Variants in AK9 observed in about 807,000 individuals in gnomAD.
The protein encoded by AK9 is adenylate kinase domain containing 1.
A neutral mutation model predicts 239.6 loss-of-function variants in AK9; 191 were observed. The observed-to-expected ratio is 0.80, with a 90% CI of 0.71 to 0.90. The LOEUF (loss-of-function observed/expected upper bound fraction) is 0.90, where lower values mean the gene tolerates loss of function less well. AK9 is among the 40% of genes least tolerant of loss of function. The pLI is 0.00. For missense variants in AK9, 1,995 were observed against 2,214.7 expected (o/e 0.90, Z 1.99); for synonymous variants, 689 against 721.0 (o/e 0.96, Z 0.71).
chr6:109,521,004 A>G (rs1427174649), intron 29 of AK9, among the ~76,000 whole-genome samples: 5 of 152,090 alleles, frequency 3.3e-5, no homozygotes, highest in Admixed American at 6.5e-5. Context: ...ACCTTTTGGC[A>G]GAGTCTTTAG....
intron 29 of AK9, among the ~76,000 whole-genome samples, chr6:109,521,023 A>G (rs947000158): frequency 6.6e-6 from 1 of 152,112 alleles, no homozygotes; most frequent in Admixed American, 6.6e-5. Context: ...AGGGTTTTAC[A>G]GGTATAGAAT....
At chr6:109,684,603 G>A (rs536720228) in intron 1 of AK9, among the ~76,000 whole-genome samples, 7 of 151,724 alleles carry the variant, frequency 4.6e-5, no homozygotes, top group African/African-American at 7.3e-5. Flanking sequence ...GGCCGGGCGC[G>A]GTGGCTCACG....
rs1282257490 is a variant in AK9 at position 109,532,447 on chromosome 6, C to G, written c.3570+804G>C. On this transcript the variant is annotated intron_variant, in intron 28 of 40. Transcript: ENST00000424296. ...CAAAAGCCCATTCTTTCTACCTCAG[C>G]CTAGACTTACAGGTTTGCCTTTTCA... Among the ~76,000 whole-genome samples the G allele has an allele frequency of 4.6e-5, 7 of 152,188 alleles. No homozygotes were observed. In the East Asian group the frequency reaches 1.2e-3, roughly 25 times the overall value.
chr6:109,632,359 C>T, intron 12 of AK9: 2 of 964,788 alleles, frequency 2.1e-6, no homozygotes, highest in Non-Finnish European at 2.5e-6. Flanking sequence ...CCTCCACATT[C>T]CAATCCCTCA....
intron 17 of AK9, among the ~76,000 whole-genome samples, chr6:109,608,037 A>G (rs1470162460): frequency 6.6e-6 from 1 of 152,080 alleles, no homozygotes; most frequent in East Asian, 1.9e-4. Context: ...GCACTTTGGG[A>G]GGCCAAGGCA....
At chr6:109,500,032 G>GACACACACACAC (rs1385241254) in intron 35 of AK9, among the ~76,000 whole-genome samples, 5 of 76,344 alleles carry the variant, frequency 6.5e-5, no homozygotes, top group African/African-American at 2.6e-4. Flanking sequence ...CTATATATAT[G>GACACACACACAC]ATACACACAC....
At chr6:109,573,373 A>G in intron 21 of AK9, 69 bp downstream of exon 21, 5 of 1,449,578 alleles carry the variant, frequency 3.4e-6, no homozygotes, top group Non-Finnish European at 4.6e-6. Context: ...AGGTATACAT[A>G]CACATACCCA....
chr6:109,550,982 G>A (rs1784289684), intron 24 of AK9, among the ~76,000 whole-genome samples: 1 of 151,578 alleles, frequency 6.6e-6, no homozygotes, highest in African/African-American at 2.4e-5. Flanking sequence ...CCAGTACTAT[G>A]TTAGCATTCT....
At chr6:109,559,790 T>C (rs1785510746) in intron 24 of AK9, among the ~76,000 whole-genome samples, 1 of 152,194 alleles carries the variant, frequency 6.6e-6, no homozygotes, top group Admixed American at 6.5e-5. Flanking sequence ...TTACCACAAA[T>C]ATAGTGGCTT....
At chr6:109,542,809 A>G (rs958457980) in intron 26 of AK9, among the ~76,000 whole-genome samples, 1 of 152,238 alleles carries the variant, frequency 6.6e-6, no homozygotes, top group African/African-American at 2.4e-5. Context: ...TTTAAAAGTA[A>G]TGGCAAAAAC....
intron 10 of AK9, among the ~76,000 whole-genome samples, chr6:109,638,987 T>C (rs1797059743): frequency 6.6e-6 from 1 of 152,190 alleles, no homozygotes; most frequent in Non-Finnish European, 1.5e-5. Context: ...GAACTCATCC[T>C]TTTTTATGGC....
At chr6:109,669,696 C>G (rs2128332071) in intron 5 of AK9, among the ~76,000 whole-genome samples, 1 of 152,260 alleles carries the variant, frequency 6.6e-6, no homozygotes. Flanking sequence ...TTTGCTTCTA[C>G]CTTCTACCAG....
At chr6:109,614,091 G>T in intron 15 of AK9, 92 bp downstream of exon 15, 3 of 1,261,658 alleles carry the variant, frequency 2.4e-6, no homozygotes, top group Non-Finnish European at 3.3e-6. Flanking sequence ...CCAATTTTGG[G>T]GGTAATTTTA....
intron 27 of AK9, among the ~76,000 whole-genome samples, chr6:109,541,322 A>G (rs1782850428): frequency 6.6e-6 from 1 of 152,216 alleles, no homozygotes; most frequent in South Asian, 2.1e-4. Flanking sequence ...TTGGTTCTTC[A>G]TGTGTGCATT....
intron 21 of AK9, among the ~76,000 whole-genome samples, chr6:109,570,966 T>C (rs1562427499): frequency 6.6e-6 from 1 of 152,136 alleles, no homozygotes; most frequent in Non-Finnish European, 1.5e-5. Context: ...ATATCTTGAC[T>C]TTTCCATGTG....
At chr6:109,547,846 CAA>C (rs55899214) in intron 25 of AK9, among the ~76,000 whole-genome samples, 34 of 121,824 alleles carry the variant, frequency 2.8e-4, no homozygotes, top group Middle Eastern at 4.1e-3. Flanking sequence ...AGCTCAGTAG[CAA>C]AAAAAAAAAA....
intron 9 of AK9, among the ~76,000 whole-genome samples, chr6:109,642,813 G>C (rs1228250714): frequency 6.6e-6 from 1 of 152,060 alleles, no homozygotes; most frequent in Non-Finnish European, 1.5e-5. Flanking sequence ...GTTCTATCTT[G>C]CACACTTAAA....
chr6:109,567,188 C>T (rs1393523391), intron 21 of AK9, among the ~76,000 whole-genome samples: 1 of 151,834 alleles, frequency 6.6e-6, no homozygotes, highest in African/African-American at 2.4e-5. Flanking sequence ...GCTAGCAAGA[C>T]TAATGAAGAA....
intron 21 of AK9, among the ~76,000 whole-genome samples, chr6:109,567,414 GT>G (rs1466966216): frequency 1.3e-5 from 2 of 152,118 alleles, no homozygotes; most frequent in East Asian, 3.9e-4. Context: ...CCAATAACAG[GT>G]TCTGAAATTG....
Sources: allele counts gnomAD v4.1 joint callset (sites outside exome capture counted in the v4.1 genomes callset), GRCh38; gene constraint gnomAD v4.1.1; transcripts MANE v1.5; gene names NCBI Gene and HGNC (gene_info 2026-07-23, HGNC 2026-07-21).